Variants in TEX14 observed in about 807,000 individuals in gnomAD.
TEX14 encodes inactive serine/threonine-protein kinase TEX14.
In TEX14, 168 loss-of-function variants were observed where a neutral mutation model predicts 178.6. The observed-to-expected ratio is 0.94, with a 90% confidence interval of 0.83 to 1.07. The LOEUF is 1.07. Ranked by LOEUF, TEX14 falls within the 50% of genes least tolerant of loss-of-function variation. The pLI, the probability that TEX14 is intolerant of heterozygous loss-of-function variation, is 0.00. For missense variants in TEX14, 1,730 were observed against 1,753.6 expected (o/e 0.99, Z 0.24); for synonymous variants, 626 against 634.1 (o/e 0.99, Z 0.19).
chr17:58,659,136 A>G (rs1352418995), intron 1 of TEX14, among the ~76,000 whole-genome samples: 2 of 151,076 alleles, frequency 1.3e-5, no homozygotes, highest in African/African-American at 4.9e-5. Flanking sequence ...CTTTTAAACT[A>G]GTTCAATCAC....
In TEX14 at chr17:58,658,609, T is replaced by A. The variant is rs530227692; in HGVS notation, c.-1-6607A>T. ...TTTCATCATGTTGGCCAGGCTGGTCTCAAACTCCTGACTTCAAGTGATCCA... is the reference window on the plus strand; with the variant it reads ...TTTCATCATGTTGGCCAGGCTGGTCACAAACTCCTGACTTCAAGTGATCCA... On this transcript the variant is annotated intron_variant, in intron 1 of 31. Coordinates refer to ENST00000349033, the MANE Select transcript of TEX14 (RefSeq NM_031272.5). Among the ~76,000 whole-genome samples the A allele has an allele frequency of 3.7e-4, 56 of 152,110 alleles. 2 individuals are homozygous for A. The highest frequency in any genetic ancestry group is 3.6e-3 in the Admixed American group (55 of 15,252).
intron 2 of TEX14, among the ~76,000 whole-genome samples, chr17:58,644,651 T>A (rs1246239387): frequency 1.4e-5 from 2 of 141,454 alleles, no homozygotes; most frequent in Non-Finnish European, 3.1e-5. Flanking sequence ...TTTTTTTTTT[T>A]TTTTTTTTTT....
chr17:58,621,911 A>AG (rs2046007769), intron 4 of TEX14, 125 bp from the exon 5 acceptor site: 1 of 1,085,842 alleles, frequency 9.2e-7, no homozygotes, highest in African/African-American at 1.6e-5. Flanking sequence ...TCAAAAGGAA[A>AG]GGGCCCAGGT....
At chr17:58,581,458 C>T (rs2044816377) in intron 19 of TEX14, among the ~76,000 whole-genome samples, 1 of 151,992 alleles carries the variant, frequency 6.6e-6, no homozygotes, top group Admixed American at 6.6e-5. Context: ...CGTATGAATG[C>T]ATGGGTTCAT....
chr17:58,631,098 T>C (rs2046275507), intron 2 of TEX14: 2 of 914,276 alleles, frequency 2.2e-6, no homozygotes, highest in Non-Finnish European at 2.6e-6. Flanking sequence ...AAGGAAAATA[T>C]GCCTTACCTA....
intron 1 of TEX14, among the ~76,000 whole-genome samples, chr17:58,680,673 T>A (rs930456704): frequency 6.6e-6 from 1 of 151,800 alleles, no homozygotes; most frequent in Admixed American, 6.6e-5. Flanking sequence ...GAGATGGAGG[T>A]TGCAATGAGC....
At chr17:58,615,567 G>A (rs2045854332) in intron 7 of TEX14, among the ~76,000 whole-genome samples, 1 of 151,890 alleles carries the variant, frequency 6.6e-6, no homozygotes. Flanking sequence ...ATGCAAGGGA[G>A]AGAGTGACTT....
chr17:58,666,342 T>C (rs1403803926), intron 1 of TEX14, among the ~76,000 whole-genome samples: 1 of 150,422 alleles, frequency 6.6e-6, no homozygotes, highest in Non-Finnish European at 1.5e-5. Context: ...AGCAAGACTG[T>C]GTCCCAAAAA....
At position 58,584,493 on chromosome 17, in the gene TEX14, T is replaced by C. The variant is rs1294581810; in HGVS notation, c.3171+7A>G. ...TTCAACTTGGCTTTCCAGGCAGTATTACTTACACTGTAAGATTTCTCTACA... is the reference window on the plus strand; with the variant it reads ...TTCAACTTGGCTTTCCAGGCAGTATCACTTACACTGTAAGATTTCTCTACA... On this transcript the variant is annotated splice_region_variant and intron_variant, in intron 19 of 31. Coordinates refer to ENST00000349033, the MANE Select transcript of TEX14 (RefSeq NM_031272.5). 1.2e-6 allele frequency: 2 copies of C among 1,606,444 alleles called. No individual in the cohort carries two copies. Among genetic ancestry groups the C allele is most frequent in the Non-Finnish European group, 1.7e-6 (2 of 1,172,968 alleles).
At chr17:58,683,244 G>A (rs563558921) in intron 1 of TEX14, among the ~76,000 whole-genome samples, 35 of 151,092 alleles carry the variant, frequency 2.3e-4, no homozygotes, top group Non-Finnish European at 3.4e-4. Context: ...ATGGTGGCAC[G>A]TGTCTGTAAT....
intron 28 of TEX14, among the ~76,000 whole-genome samples, chr17:58,563,880 T>C (rs966315163): frequency 4.0e-5 from 6 of 148,638 alleles, no homozygotes; most frequent in Non-Finnish European, 8.9e-5. Context: ...GATATACAAA[T>C]GGCCAACAAG....
intron 14 of TEX14, among the ~76,000 whole-genome samples, chr17:58,598,152 T>C (rs1448875439): frequency 6.6e-6 from 1 of 151,628 alleles, no homozygotes; most frequent in Non-Finnish European, 1.5e-5. Flanking sequence ...CCATCTCTAT[T>C]AAAAATACAA....
intron 1 of TEX14, among the ~76,000 whole-genome samples, chr17:58,686,374 G>C (rs561352518): frequency 6.6e-6 from 1 of 152,126 alleles, no homozygotes; most frequent in African/African-American, 2.4e-5. Context: ...TGGATATGTG[G>C]TTCATGGAGG....
intron 2 of TEX14, among the ~76,000 whole-genome samples, chr17:58,638,631 C>A (rs886202344): frequency 2.0e-5 from 3 of 151,998 alleles, no homozygotes; most frequent in African/African-American, 7.3e-5. Flanking sequence ...CTCCACCTCC[C>A]AGGTTCAAGC....
At chr17:58,658,504 T>C (rs976495863) in intron 1 of TEX14, among the ~76,000 whole-genome samples, 7 of 151,014 alleles carry the variant, frequency 4.6e-5, no homozygotes, top group Non-Finnish European at 8.8e-5. Flanking sequence ...ATTCTCCTGC[T>C]TCAGCCTCCA....
At chr17:58,661,636 T>C in intron 1 of TEX14, 1 of 674,600 alleles carries the variant, frequency 1.5e-6, no homozygotes, top group Non-Finnish European at 2.7e-6. Flanking sequence ...ATTCCTTTCC[T>C]TTCTGGACAC....
At chr17:58,616,587 C>T (rs1294167937) in intron 6 of TEX14, among the ~76,000 whole-genome samples, 3 of 151,822 alleles carry the variant, frequency 2.0e-5, no homozygotes, top group Non-Finnish European at 4.4e-5. Flanking sequence ...TGCACCACCA[C>T]ACCTGGCTAA....
In TEX14 at chr17:58,616,156, C is replaced by T; in HGVS notation, c.767+19G>A. ...CCCTGAAACTGAATCAGACCTCAAA[C>T]TGGCCAGCCCCCACTTACTTGGTCA... On this transcript the variant is annotated intron_variant, in intron 7 of 31. Transcript: ENST00000349033. The T allele has an allele frequency of 2.5e-6, 4 of 1,602,668 alleles. No individual in the cohort carries two copies. The highest frequency in any genetic ancestry group is 2.2e-5 in the East Asian group (1 of 44,692).
chr17:58,600,169 T>C (rs956937224), intron 13 of TEX14, among the ~76,000 whole-genome samples: 8 of 152,186 alleles, frequency 5.3e-5, no homozygotes, highest in African/African-American at 1.9e-4. Flanking sequence ...TAGCCTTCTT[T>C]TCACACAAAA....
Sources: gnomAD v4.1 joint callset for allele counts (sites outside exome capture counted in the v4.1 genomes callset) on GRCh38, gnomAD v4.1.1 for gene constraint, MANE v1.5 for transcripts, NCBI Gene and HGNC (gene_info 2026-07-23, HGNC 2026-07-21) for gene names.